Variants in WDR70 observed in about 807,000 individuals in gnomAD.
The protein encoded by WDR70 is WD repeat domain 70.
A neutral mutation model predicts 88.6 loss-of-function variants in WDR70; 53 were observed. That is an observed-to-expected ratio of 0.60 (90% CI 0.48 to 0.75). The LOEUF (loss-of-function observed/expected upper bound fraction) is 0.75. Among genes scored for constraint, WDR70 ranks in the 30% least tolerant of loss-of-function variants. The pLI is 0.00. For synonymous variants in WDR70, 280 were observed against 270.0 expected, an observed-to-expected ratio of 1.04 and a Z score of -0.36; for missense variants, 610 against 823.2, an observed-to-expected ratio of 0.74 and a Z score of 3.17.
At chr5:37,563,658 A>AC (rs373790636) in intron 9 of WDR70, among the ~76,000 whole-genome samples, 46 of 2,810 alleles carry the variant, frequency 0.016, 3 homozygotes, top group African/African-American at 0.15. Context: ...CGGGGGGCTG[A>AC]CCCCCCCCCA....
chr5:37,663,899 T>C (rs1484442449), intron 10 of WDR70, among the ~76,000 whole-genome samples: 1 of 152,216 alleles, frequency 6.6e-6, no homozygotes, highest in African/African-American at 2.4e-5. Flanking sequence ...TCATCCCTAC[T>C]GGCTCCTAGA....
At chr5:37,379,720 C>T (rs1748364133) in intron 2 of WDR70, among the ~76,000 whole-genome samples, 166 bp downstream of exon 2, 1 of 149,118 alleles carries the variant, frequency 6.7e-6, no homozygotes, top group Non-Finnish European at 1.5e-5. Context: ...CTGCGTTATC[C>T]GTTGGAACCA....
intron 9 of WDR70, among the ~76,000 whole-genome samples, chr5:37,517,495 G>A (rs1740924450): frequency 6.6e-6 from 1 of 151,692 alleles, no homozygotes; most frequent in Non-Finnish European, 1.5e-5. Context: ...AGCCTCCCAA[G>A]TAGCTGGAAT....
chr5:37,592,719 GA>G (rs879845379), intron 9 of WDR70, among the ~76,000 whole-genome samples: 12 of 152,108 alleles, frequency 7.9e-5, no homozygotes, highest in Non-Finnish European at 1.8e-4. Flanking sequence ...CTGTGCTTGA[GA>G]AAAAAGCAAT....
chr5:37,722,876 T>G lies in WDR70; in HGVS notation c.1539T>G (p.Val513=). Residue 513 remains valine (V), a synonymous_variant, in exon 15 of 18, where the codon GTT becomes GTG. Transcript: ENST00000265107. ...KSQRGAKLCV[V]KTQRKAKQAE... The stretch of plus-strand genomic sequence containing the variant: ...TTAGGGGAGCAAAATTATGTGTGGT[T>G]AAAACCCAGCGGAAGGCAAAACAAG... 1.9e-6 allele frequency: 3 copies of G among 1,613,540 alleles called. No individual in the cohort carries two copies. Among genetic ancestry groups the G allele is most frequent in the Non-Finnish European group, 2.5e-6 (3 of 1,179,628 alleles).
chr5:37,724,563 TG>T (rs1747914835), intron 15 of WDR70: 1 of 181,884 alleles, frequency 5.5e-6, no homozygotes, highest in Admixed American at 5.9e-5. Context: ...GACAGCAAGC[TG>T]TTGGCATTAT....
At position 37,605,118 on chromosome 5, in the gene WDR70, A is replaced by G; in HGVS notation, c.972A>G (p.Lys324=). ...ENPKKQKSVF[K]PRTMQGKKVI... Reference sequence around the variant, plus strand: ...CAAAGAAGCAAAAAAGTGTGTTTAAACCACGGACGATGCAAGGCAAAAAAG... The same window carrying G: ...CAAAGAAGCAAAAAAGTGTGTTTAAGCCACGGACGATGCAAGGCAAAAAAG... The change falls in exon 10 of 18, where the codon AAA becomes AAG. Residue 324 remains lysine (K), a synonymous_variant. Transcript: ENST00000265107. 2 of 1,613,502 alleles carry G rather than the reference A, an allele frequency of 1.2e-6. No individual in the cohort carries two copies. The highest frequency in any genetic ancestry group is 1.7e-6 in the Non-Finnish European group (2 of 1,179,702).
intron 5 of WDR70, among the ~76,000 whole-genome samples, chr5:37,405,832 G>A (rs1018108399): frequency 6.6e-6 from 1 of 152,064 alleles, no homozygotes; most frequent in South Asian, 2.1e-4. Flanking sequence ...GATCACTTGA[G>A]CCCGGGAGTT....
intron 8 of WDR70, among the ~76,000 whole-genome samples, chr5:37,513,388 G>A (rs1416601215): frequency 2.0e-5 from 3 of 152,112 alleles, no homozygotes; most frequent in Non-Finnish European, 4.4e-5. Context: ...AGAAGGCCCT[G>A]ATATGGAGCA....
intron 10 of WDR70, among the ~76,000 whole-genome samples, chr5:37,630,442 A>G (rs1744781311): frequency 6.6e-6 from 1 of 152,118 alleles, no homozygotes; most frequent in Non-Finnish European, 1.5e-5. Context: ...GGAAGAGGGC[A>G]CTGTGTTTCT....
intron 7 of WDR70, among the ~76,000 whole-genome samples, chr5:37,469,003 C>T (rs1427052466): frequency 6.6e-6 from 1 of 152,088 alleles, no homozygotes; most frequent in Non-Finnish European, 1.5e-5. Context: ...ACTGTATAGT[C>T]CTATCCTCAC....
intron 9 of WDR70, among the ~76,000 whole-genome samples, chr5:37,535,191 G>A (rs1394574989): frequency 1.3e-5 from 2 of 151,932 alleles, no homozygotes; most frequent in African/African-American, 4.8e-5. Context: ...TCTACTGCAC[G>A]TAGAGTAGTC....
rs377605888 is a variant in WDR70 at position 37,531,656 on chromosome 5, G to A, written c.917+15066G>A. On this transcript the variant is annotated intron_variant, in intron 9 of 17. Transcript: ENST00000265107. ...TTGCTTGCTTTTGGCGTCCATTTCC[G>A]TGGAATGGCTTTTCAGAAGACAGCA... 6.1e-5 allele frequency among the ~76,000 whole-genome samples: 8 copies of A among 130,792 alleles called. No individual in the cohort carries two copies. In the South Asian group the frequency reaches 1.2e-3, roughly 19 times the overall value. 85.8% of individuals were successfully genotyped at this position (130,792 alleles called of 152,430 possible). A position where few individuals can be genotyped will look rare whatever the true frequency, so the allele number is the denominator to read the frequency against.
At chr5:37,525,919 C>T (rs1038752039) in intron 9 of WDR70, among the ~76,000 whole-genome samples, 4 of 152,140 alleles carry the variant, frequency 2.6e-5, no homozygotes, top group Non-Finnish European at 5.9e-5. Context: ...TACACCCTCC[C>T]AAGACTAAAC....
chr5:37,528,802 A>G (rs927392732), intron 9 of WDR70, among the ~76,000 whole-genome samples: 1 of 151,900 alleles, frequency 6.6e-6, no homozygotes, highest in African/African-American at 2.4e-5. Flanking sequence ...TGCTGTGCAG[A>G]AGGTTTTTAG....
intron 9 of WDR70, among the ~76,000 whole-genome samples, chr5:37,566,134 GT>G (rs1485946271): frequency 6.6e-6 from 1 of 151,972 alleles, no homozygotes; most frequent in Non-Finnish European, 1.5e-5. Context: ...CTTTACTCCA[GT>G]CTGTAGCAAC....
chr5:37,392,501 T>C (rs180697106), intron 4 of WDR70, among the ~76,000 whole-genome samples: 146 of 152,068 alleles, frequency 9.6e-4, no homozygotes, highest in Middle Eastern at 3.4e-3. Context: ...AGACGTGCAC[T>C]ACCACGGCCG....
At chr5:37,702,747 C>A (rs986232530) in intron 12 of WDR70, among the ~76,000 whole-genome samples, 6 of 152,098 alleles carry the variant, frequency 3.9e-5, no homozygotes, top group Non-Finnish European at 8.8e-5. Context: ...AAATTATTTT[C>A]TTCAGTTCCC....
intron 7 of WDR70, among the ~76,000 whole-genome samples, chr5:37,474,334 G>T (rs11742290): frequency 0.86 from 130,171 of 152,200 alleles, 59,269 homozygotes; most frequent in East Asian, 1. Flanking sequence ...TTAATTTTGT[G>T]GTTCTAATCT....
Sources: gnomAD v4.1 joint callset for allele counts (sites outside exome capture counted in the v4.1 genomes callset) on GRCh38, gnomAD v4.1.1 for gene constraint, MANE v1.5 for transcripts, NCBI Gene and HGNC (gene_info 2026-07-23, HGNC 2026-07-21) for gene names.